WDR47: variants seen among roughly 807,000 people sequenced by gnomAD.
WDR47 encodes WD repeat-containing protein 47.
A neutral mutation model predicts 97.2 loss-of-function variants in WDR47; 32 were observed. The observed-to-expected ratio is 0.33, with a 90% CI of 0.25 to 0.44. The LOEUF is 0.44. Ranked by LOEUF, WDR47 falls within the 20% of genes least tolerant of loss-of-function variation. WDR47 has a pLI of 1.00. For synonymous variants in WDR47, 375 were observed against 373.5 expected, an observed-to-expected ratio of 1.00 and a Z score of -0.05; for missense variants, 782 against 1,102.3, an observed-to-expected ratio of 0.71 and a Z score of 4.11.
intron 9 of WDR47, among the ~76,000 whole-genome samples, chr1:108,988,525 T>C (rs568788391): frequency 6.0e-5 from 9 of 150,572 alleles, no homozygotes; most frequent in Admixed American, 5.3e-4. Context: ...AGAAAAATAA[T>C]ACAAAAATTA....
At chr1:108,990,720 C>A (rs953270843) in intron 9 of WDR47, among the ~76,000 whole-genome samples, 1 of 151,812 alleles carries the variant, frequency 6.6e-6, no homozygotes, top group Non-Finnish European at 1.5e-5. Context: ...AAGCTGTATA[C>A]TAGCTAGGAA....
At chr1:109,012,603 G>A (rs184605) in intron 4 of WDR47, among the ~76,000 whole-genome samples, 65,204 of 139,412 alleles carry the variant, frequency 0.47, 15,197 homozygotes, top group Admixed American at 0.51. Flanking sequence ...GAAAGGGAAT[G>A]CCTAAAGTTG....
At chr1:109,036,582 ATC>A (rs1662964213) in intron 1 of WDR47, among the ~76,000 whole-genome samples, 1 of 150,780 alleles carries the variant, frequency 6.6e-6, no homozygotes, top group Admixed American at 6.6e-5. Context: ...CACACCTGTA[ATC>A]TCACCACTTT....
At chr1:108,974,030 C>G (rs945822042) in intron 14 of WDR47, among the ~76,000 whole-genome samples, 1 of 151,608 alleles carries the variant, frequency 6.6e-6, no homozygotes, top group Non-Finnish European at 1.5e-5. Context: ...TTTGTCTCTA[C>G]AGAAGATACA....
chr1:109,011,872 T>C (rs750620893), intron 4 of WDR47, among the ~76,000 whole-genome samples, 154 bp from the exon 5 acceptor site: 1 of 152,200 alleles, frequency 6.6e-6, no homozygotes, highest in Non-Finnish European at 1.5e-5. Context: ...AACATAATGT[T>C]TTCACAACTA....
Position 108,986,697 on chromosome 1 carries a change from T to C in WDR47, c.1768-17A>G, listed in dbSNP as rs755812311. 1 of 1,414,288 alleles carries C rather than the reference T, an allele frequency of 7.1e-7. No homozygotes were observed. Among genetic ancestry groups the C allele is most frequent in the East Asian group, 2.6e-5 (1 of 39,096 alleles). The allele number at this position is 1,414,288 out of a possible 1,614,324, so 87.6% of individuals were successfully genotyped here. Reference sequence around the variant, plus strand: ...TTTGTCATCCTATGGAAAGAATGAATATTAGTTATCCTATTAAAAAAATGA... The same window carrying C: ...TTTGTCATCCTATGGAAAGAATGAACATTAGTTATCCTATTAAAAAAATGA... On this transcript the variant is annotated splice_polypyrimidine_tract_variant and intron_variant, in intron 9 of 14. Coordinates refer to ENST00000369962, the MANE Select transcript of WDR47 (RefSeq NM_001142551.2).
rs541180856 is a variant in WDR47, at chr1:109,006,297, G to A, written c.1131-1582C>T. 3.3e-5 allele frequency among the ~76,000 whole-genome samples: 5 copies of A among 152,206 alleles called. No individual in the cohort carries two copies. The South Asian group carries it at 1.0e-3, about 32-fold the overall frequency. On this transcript the variant is annotated intron_variant, in intron 5 of 14. Transcript: ENST00000369962. Reference sequence around the variant, plus strand: ...AATCCCAGCTACTCGAGAGGCTGAGGCAGGAGAATCACTTGAACCCGGGAG... The same window carrying A: ...AATCCCAGCTACTCGAGAGGCTGAGACAGGAGAATCACTTGAACCCGGGAG...
rs961201251 is a variant in WDR47 at position 108,986,430 on chromosome 1, G to C, written c.1925+93C>G. 6.2e-6 allele frequency: 7 copies of C among 1,124,356 alleles called. No homozygotes were observed. In the Admixed American group the frequency reaches 1.1e-4, roughly 18 times the overall value. The allele number at this position is 1,124,356 out of a possible 1,614,324, so 69.6% of individuals were successfully genotyped here. A position where few individuals can be genotyped will look rare whatever the true frequency, so the allele number is the denominator to read the frequency against. The stretch of plus-strand genomic sequence containing the variant: ...AATCGAAGGAAAGAAAGTAAGATTT[G>C]AAACACTACTGAATGGCAATTCTGA... On this transcript the variant is annotated intron_variant, in intron 10 of 14. Transcript: ENST00000369962.
chr1:109,031,578 AC>A (rs1488827419), intron 1 of WDR47, among the ~76,000 whole-genome samples: 4 of 138,924 alleles, frequency 2.9e-5, no homozygotes, highest in African/African-American at 1.0e-4. Flanking sequence ...ATCACTATAT[AC>A]CCTTTTGAAT....
rs542276743 is a variant in WDR47 at position 108,974,429 on chromosome 1, T to C, written c.2617+107A>G. 12 of 836,490 alleles carry C rather than the reference T, an allele frequency of 1.4e-5. No individual in the cohort carries two copies. In the South Asian group the frequency reaches 2.3e-4, roughly 16 times the overall value. The allele number at this position is 836,490 out of a possible 1,614,324, so 51.8% of individuals were successfully genotyped here. On this transcript the variant is annotated intron_variant, in intron 14 of 14. Coordinates refer to ENST00000369962, the MANE Select transcript of WDR47 (RefSeq NM_001142551.2). ...CTCAGAATCTGCTCAATAAATACTA[T>C]AAAATAATTGAAAGTATTATATAAT... is the stretch of plus-strand genomic sequence containing the variant.
At position 108,995,638 on chromosome 1, in the gene WDR47, T is replaced by C. The variant is rs1363220271; in HGVS notation, c.1633A>G (p.Asn545Asp). The change falls in exon 8 of 15, where the codon AAT (asparagine) becomes GAT (aspartate). Residue 545 changes from asparagine (N) to aspartate (D), a missense_variant. Around this residue, in one of 3 missense-constraint regions of WDR47, gnomAD observed 126 missense variants for 121.3 expected, o/e 1.04. Transcript: ENST00000369962. ...ASNIHTSTPRNPGSTNHIPFL... is the reference protein window; with the variant it reads ...ASNIHTSTPRDPGSTNHIPFL... Reference sequence around the variant, plus strand: ...GGTATGTGATTTGTTGATCCAGGATTACGAGGAGTGCTTGTATGAATATTT... The same window carrying C: ...GGTATGTGATTTGTTGATCCAGGATCACGAGGAGTGCTTGTATGAATATTT... 1 of 1,613,662 alleles carries C rather than the reference T, an allele frequency of 6.2e-7. No homozygotes were observed. The highest frequency in any genetic ancestry group is 8.5e-7 in the Non-Finnish European group (1 of 1,179,638).
intron 5 of WDR47, among the ~76,000 whole-genome samples, chr1:109,005,817 C>T (rs565961250): frequency 1.6e-3 from 243 of 151,952 alleles, no homozygotes; most frequent in African/African-American, 5.8e-3. Context: ...TACAGCGAGC[C>T]GAGATCACGC....
chr1:108,988,815 T>C (rs1057151828), intron 9 of WDR47, among the ~76,000 whole-genome samples: 1 of 152,080 alleles, frequency 6.6e-6, no homozygotes, highest in Non-Finnish European at 1.5e-5. Context: ...TGGAGTGCGG[T>C]GGCGCAATCT....
intron 12 of WDR47, among the ~76,000 whole-genome samples, chr1:108,982,134 G>A (rs867584722): frequency 4.6e-5 from 7 of 152,058 alleles, no homozygotes; most frequent in Admixed American, 2.0e-4. Flanking sequence ...AGGGCAAGTG[G>A]TGGTCTGGTT....
At chr1:108,983,029 A>T (rs1053149088) in intron 11 of WDR47, among the ~76,000 whole-genome samples, 2 of 152,226 alleles carry the variant, frequency 1.3e-5, no homozygotes, top group Non-Finnish European at 2.9e-5. Context: ...TCTAGAAAAC[A>T]TCTGGTAGCT....
At chr1:108,981,691 C>A (rs77563817) in intron 13 of WDR47, 42 bp downstream of exon 13, 2 of 1,558,182 alleles carry the variant, frequency 1.3e-6, no homozygotes, top group African/African-American at 2.8e-5. Flanking sequence ...GTCTAATTTA[C>A]AAAGTTTTTT....
chr1:108,998,577 C>T (rs1400032352), intron 7 of WDR47, among the ~76,000 whole-genome samples: 3 of 151,888 alleles, frequency 2.0e-5, no homozygotes, highest in Non-Finnish European at 2.9e-5. Flanking sequence ...AGGCTGAATA[C>T]GCCTATTAAT....
At chr1:108,994,356 C>T (rs924508195) in intron 8 of WDR47, among the ~76,000 whole-genome samples, 1 of 152,070 alleles carries the variant, frequency 6.6e-6, no homozygotes, top group Middle Eastern at 3.2e-3. Context: ...GAGATTACAC[C>T]ACTGCATTCC....
chr1:109,017,368 A>C (rs1488384979), intron 3 of WDR47, 150 bp downstream of exon 3: 1 of 665,848 alleles, frequency 1.5e-6, no homozygotes, highest in African/African-American at 1.8e-5. Context: ...ATGCCACCAC[A>C]CTCCAGCTTG....
Sources: gnomAD v4.1 joint callset for allele counts (sites outside exome capture counted in the v4.1 genomes callset) on GRCh38, gnomAD v4.1.1 for gene constraint, gnomAD v4.1.1 regional missense constraint, MANE v1.5 for transcripts, NCBI Gene and HGNC (gene_info 2026-07-23, HGNC 2026-07-21) for gene names.